Variants in GGNBP2 observed in about 807,000 individuals in gnomAD.
GGNBP2 encodes the protein gametogenetin binding protein 2.
GGNBP2 carries 10 observed loss-of-function variants against 85.9 expected under a neutral mutation model. The observed-to-expected ratio is 0.12, with a 90% confidence interval of 0.07 to 0.20. GGNBP2 has a LOEUF of 0.20. Ranked by LOEUF, GGNBP2 falls within the 10% of genes least tolerant of loss-of-function variation. The pLI is 1.00. For synonymous variants in GGNBP2, 287 were observed against 285.7 expected (o/e 1.00, Z -0.05); for missense variants, 595 against 857.8 (o/e 0.69, Z 3.83).
At chr17:36,587,890 A>G (rs2074718754) in intron 13 of GGNBP2, among the ~76,000 whole-genome samples, 2 of 152,002 alleles carry the variant, frequency 1.3e-5, no homozygotes, top group East Asian at 2.0e-4. Context: ...TGTCTCAAAA[A>G]AAACCTGAGT....
At position 36,589,370 on chromosome 17, in the gene GGNBP2, C is replaced by T. The variant is rs1166806151; in HGVS notation, c.2053C>T (p.Pro685Ser). 6.2e-7 allele frequency: 1 copy of T among 1,613,884 alleles called. No homozygotes were observed. The highest frequency in any genetic ancestry group is 1.7e-5 in the Admixed American group (1 of 60,016). The part of the protein sequence containing the change: ...KYCRLNDHKR[P>S]ICSGWLTTAG... ...CTGCCGGTTAAATGATCACAAGAGG[C>T]CCATTTGTAGTGGCTGGTTGACAAC... Residue 685 changes from proline to serine, a missense_variant, in exon 14 of 14, where the codon CCC (proline) becomes TCC (serine). Physicochemically the swap from Pro to Ser is moderately conservative, Grantham distance 74. Coordinates refer to ENST00000613102, the MANE Select transcript of GGNBP2 (RefSeq NM_024835.5).
At chr17:36,586,815 G>T (rs551907450) in intron 12 of GGNBP2, 182 bp from the exon 13 acceptor site, 8 of 558,230 alleles carry the variant, frequency 1.4e-5, no homozygotes, top group African/African-American at 1.3e-4. Context: ...GATGGCATTT[G>T]ACCATGTTGG....
Position 36,567,676 on chromosome 17 carries a change from G to C in GGNBP2, c.541G>C (p.Asp181His). Residue 181 changes from aspartate to histidine, a missense_variant, in exon 6 of 14, where the codon GAT becomes CAT. This residue lies in a region of GGNBP2 where 216 missense variants were observed against 293.4 expected (regional missense o/e 0.74). Coordinates refer to ENST00000613102, the MANE Select transcript of GGNBP2 (RefSeq NM_024835.5). ...TTCTTTCTACAGAGGTTGTTGGATG[G>C]ATGTATGGGAACTAATGTCGCAGGA... is the stretch of plus-strand genomic sequence containing the variant. ...KPKPLGGCWM[D>H]VWELMSQECR... 6.3e-7 allele frequency: 1 copy of C among 1,584,364 alleles called. No homozygotes were observed. The highest frequency in any genetic ancestry group is 8.7e-7 in the Non-Finnish European group (1 of 1,153,870).
intron 6 of GGNBP2, chr17:36,576,629 G>GTGTGTGTGTGTGTGTGTGTGTA (rs1203227585): frequency 3.6e-5 from 4 of 111,082 alleles, no homozygotes; most frequent in Non-Finnish European, 5.0e-5. Context: ...GTGTGTGTGT[G>GTGTGTGTGTGTGTGTGTGTGTA]TATATGTATA....
At chr17:36,547,786 T>G (rs1045389252) in intron 2 of GGNBP2, 1 of 152,224 alleles carries the variant, frequency 6.6e-6, no homozygotes, top group African/African-American at 2.4e-5. Context: ...AAAGGTGCAG[T>G]TTTTCTTTGC....
chr17:36,578,093 G>A lies in GGNBP2; in HGVS notation c.752G>A (p.Arg251Gln), dbSNP rs767476497. Residue 251 changes from arginine to glutamine, a missense_variant, in exon 7 of 14, where the codon CGG becomes CAG. Transcript: ENST00000613102. ...GYCAALYEGL[R>Q]CCPHERHIHV... The stretch of plus-strand genomic sequence containing the variant: ...TGTGCTGCACTTTATGAAGGCTTGC[G>A]GTGCTGTCCACATGAACGACACATA... The A allele has an allele frequency of 1.2e-6, 2 of 1,614,128 alleles. No individual in the cohort carries two copies. Among genetic ancestry groups the A allele is most frequent in the Non-Finnish European group, 1.7e-6 (2 of 1,180,012 alleles).
intron 4 of GGNBP2, among the ~76,000 whole-genome samples, chr17:36,557,851 C>T (rs1284427268): frequency 6.6e-6 from 1 of 152,150 alleles, no homozygotes; most frequent in African/African-American, 2.4e-5. Context: ...CGGTGGCTCA[C>T]GCCTGTAATC....
At chr17:36,551,434 C>A (rs1179488440) in intron 2 of GGNBP2, among the ~76,000 whole-genome samples, 2 of 152,020 alleles carry the variant, frequency 1.3e-5, no homozygotes, top group African/African-American at 2.4e-5. Context: ...GAACTCACGA[C>A]CTCAGGTGAT....
intron 13 of GGNBP2, among the ~76,000 whole-genome samples, chr17:36,588,067 C>T (rs547682209): frequency 6.6e-6 from 1 of 152,256 alleles, no homozygotes; most frequent in South Asian, 2.1e-4. Context: ...AAAGAATATA[C>T]AATTTGAACT....
chr17:36,575,084 A>G, intron 6 of GGNBP2: 1 of 931,468 alleles, frequency 1.1e-6, no homozygotes, highest in Non-Finnish European at 1.7e-6. Flanking sequence ...CTTCATGGGC[A>G]GGGAGAAGAC....
intron 4 of GGNBP2, among the ~76,000 whole-genome samples, chr17:36,559,283 C>T (rs1047558961): frequency 3.3e-5 from 4 of 121,912 alleles, no homozygotes; most frequent in Admixed American, 1.1e-4. Context: ...GGCAACAGAG[C>T]GAGACTCTGT....
chr17:36,577,989 C>T lies in GGNBP2; in HGVS notation c.648C>T (p.Cys216=). 3.7e-6 allele frequency: 6 copies of T among 1,613,332 alleles called. No homozygotes were observed. Among genetic ancestry groups the T allele is most frequent in the Non-Finnish European group, 5.1e-6 (6 of 1,179,458 alleles). ...LETYLRKHRF[C]TDCKNKVLRA... is the part of the protein sequence containing the mutation. ...AGGTTTTTCTTTTCAACAGGTTTTG[C>T]ACTGATTGCAAAAATAAAGTCCTCC... Residue 216 remains cysteine (C), a synonymous_variant, in exon 7 of 14, where the codon TGC becomes TGT. Coordinates refer to ENST00000613102, the MANE Select transcript of GGNBP2 (RefSeq NM_024835.5).
In GGNBP2 at chr17:36,577,748, C is replaced by G. The variant is rs1442227978; in HGVS notation, c.642-235C>G. ...ATAATAGGTATGTATCTGCCTCATT[C>G]TTTTAGGCTATGTGTTTCTCTAGTT... is the stretch of plus-strand genomic sequence containing the variant. On this transcript the variant is annotated intron_variant, in intron 6 of 13. Coordinates refer to ENST00000613102, the MANE Select transcript of GGNBP2 (RefSeq NM_024835.5). 5 of 569,660 alleles carry G rather than the reference C, an allele frequency of 8.8e-6. No individual in the cohort carries two copies. In the Admixed American group the frequency reaches 1.2e-4, roughly 14 times the overall value. 35.3% of individuals were successfully genotyped at this position (569,660 alleles called of 1,614,324 possible).
Position 36,577,974 on chromosome 17 carries a change from T to G in GGNBP2, c.642-9T>G, listed in dbSNP as rs1262744003. 1 of 1,611,080 alleles carries G rather than the reference T, an allele frequency of 6.2e-7. No homozygotes were observed. Among genetic ancestry groups the G allele is most frequent in the Non-Finnish European group, 8.5e-7 (1 of 1,177,726 alleles). Reference sequence around the variant, plus strand: ...CATTTCTTAATTTTAAGGTTTTTCTTTTCAACAGGTTTTGCACTGATTGCA... The same window carrying G: ...CATTTCTTAATTTTAAGGTTTTTCTGTTCAACAGGTTTTGCACTGATTGCA... On this transcript the variant is annotated splice_polypyrimidine_tract_variant and intron_variant, in intron 6 of 13. Coordinates refer to ENST00000613102, the MANE Select transcript of GGNBP2 (RefSeq NM_024835.5).
intron 2 of GGNBP2, among the ~76,000 whole-genome samples, chr17:36,548,923 A>G (rs76604502): frequency 6.6e-6 from 1 of 151,882 alleles, no homozygotes; most frequent in Non-Finnish European, 1.5e-5. Context: ...CCAGCCTGGG[A>G]GACAAAGTGA....
intron 13 of GGNBP2, among the ~76,000 whole-genome samples, chr17:36,588,478 A>G (rs939899093): frequency 6.6e-6 from 1 of 151,960 alleles, no homozygotes; most frequent in African/African-American, 2.4e-5. Flanking sequence ...CTGGTCTCGA[A>G]CTCCCAACCT....
chr17:36,560,674 G>T, intron 4 of GGNBP2, 99 bp from the exon 5 acceptor site: 2 of 688,650 alleles, frequency 2.9e-6, no homozygotes, highest in Admixed American at 3.4e-5. Context: ...GTTTTTTTGT[G>T]TTTTGTTTTG....
intron 8 of GGNBP2, among the ~76,000 whole-genome samples, chr17:36,580,038 CAAAA>C (rs373447873): frequency 2.0e-5 from 3 of 150,938 alleles, no homozygotes; most frequent in African/African-American, 7.3e-5. Flanking sequence ...AAAAACAAAA[CAAAA>C]AAAACACACA....
intron 9 of GGNBP2, among the ~76,000 whole-genome samples, chr17:36,582,934 G>C (rs978051950): frequency 3.3e-5 from 5 of 152,068 alleles, no homozygotes; most frequent in Admixed American, 6.6e-5. Context: ...CAAAAATAAT[G>C]TTAACTAAAT....
Sources: gnomAD v4.1 joint callset for allele counts (sites outside exome capture counted in the v4.1 genomes callset) on GRCh38, gnomAD v4.1.1 for gene constraint, gnomAD v4.1.1 regional missense constraint, MANE v1.5 for transcripts, NCBI Gene and HGNC (gene_info 2026-07-23, HGNC 2026-07-21) for gene names.